Variants in CCL28 observed in about 807,000 individuals in gnomAD.
CCL28 encodes the protein C-C motif chemokine 28.
CCL28 carries 4 observed loss-of-function variants against 7.1 expected under a neutral mutation model. That is an observed-to-expected ratio of 0.56 (90% CI 0.28 to 1.29). The LOEUF is 1.29. Among genes scored for constraint, CCL28 ranks in the 50% most tolerant of loss-of-function variants. The probability of loss-of-function intolerance (pLI) is 0.11; values close to 1 mark genes in which losing one functional copy is unlikely to be tolerated. For missense variants in CCL28, 151 were observed against 163.4 expected, an observed-to-expected ratio of 0.92 and a Z score of 0.41; for synonymous variants, 55 against 57.8, an observed-to-expected ratio of 0.95 and a Z score of 0.22.
chr5:43,371,733 A>G (rs1739790186), downstream of CCL28, among the ~76,000 whole-genome samples: 1 of 152,240 alleles, frequency 6.6e-6, no homozygotes, highest in Non-Finnish European at 1.5e-5. Context: ...TTCCTTATCC[A>G]CAGACACTAT....
At chr5:43,360,780 T>G in the CCL28 span, among the ~76,000 whole-genome samples, 13 of 152,216 alleles carry the variant, frequency 8.5e-5, no homozygotes, top group African/African-American at 3.1e-4. Context: ...GGTTTTTTTC[T>G]TGTAAATTTG....
At position 43,388,517 on chromosome 5, in the gene CCL28, T is replaced by C. The variant is rs1740435145; in HGVS notation, c.65-41A>G. The C allele has an allele frequency of 1.9e-6, 3 of 1,592,142 alleles. No individual in the cohort carries two copies. In the South Asian group the frequency reaches 3.4e-5, roughly 18 times the overall value. Reference sequence around the variant, plus strand: ...AAAGAAAATGTTAAATTTTACGGTTTATAGAACACTGGCATGGTTCTCATT... The same window carrying C: ...AAAGAAAATGTTAAATTTTACGGTTCATAGAACACTGGCATGGTTCTCATT... On this transcript the variant is annotated intron_variant, in intron 1 of 2. Transcript: ENST00000361115.
At chr5:43,397,758 G>A (rs557176537) in intron 1 of CCL28, among the ~76,000 whole-genome samples, 2 of 152,040 alleles carry the variant, frequency 1.3e-5, no homozygotes, top group East Asian at 1.9e-4. Flanking sequence ...TTTATCTTTC[G>A]GTTAAGATTC....
intron 1 of CCL28, among the ~76,000 whole-genome samples, chr5:43,407,316 C>T (rs902651618): frequency 6.6e-6 from 1 of 152,166 alleles, no homozygotes; most frequent in African/African-American, 2.4e-5. Flanking sequence ...TGGAACAGAA[C>T]AGAGTCCTCG....
intron 2 of CCL28, among the ~76,000 whole-genome samples, chr5:43,383,650 T>G (rs1432594676): frequency 6.6e-6 from 1 of 152,158 alleles, no homozygotes; most frequent in East Asian, 1.9e-4. Context: ...AAAACGTGGC[T>G]GTAGCACTGT....
chr5:43,367,174 G>T, the CCL28 span, among the ~76,000 whole-genome samples: 1 of 152,212 alleles, frequency 6.6e-6, no homozygotes, highest in Non-Finnish European at 1.5e-5. Flanking sequence ...TGGGCTCTGT[G>T]GGGGTGGATC....
At chr5:43,387,357 C>A (rs1740382459) in intron 2 of CCL28, among the ~76,000 whole-genome samples, 1 of 152,194 alleles carries the variant, frequency 6.6e-6, no homozygotes, top group Non-Finnish European at 1.5e-5. Flanking sequence ...TTCCTCACAG[C>A]ATTGTTGTCA....
intron 1 of CCL28, among the ~76,000 whole-genome samples, chr5:43,395,369 G>A (rs1176230281): frequency 1.3e-5 from 2 of 152,020 alleles, no homozygotes. Flanking sequence ...GAAGGTTCCT[G>A]TGCAAAGTAA....
At chr5:43,392,017 C>T (rs1740592916) in intron 1 of CCL28, among the ~76,000 whole-genome samples, 1 of 152,214 alleles carries the variant, frequency 6.6e-6, no homozygotes, top group Non-Finnish European at 1.5e-5. Flanking sequence ...GGTTCTCAAA[C>T]TTTAATGTGT....
At chr5:43,404,911 A>G (rs901893516) in intron 1 of CCL28, among the ~76,000 whole-genome samples, 3 of 152,208 alleles carry the variant, frequency 2.0e-5, no homozygotes, top group Non-Finnish European at 4.4e-5. Context: ...AGAGACAAAG[A>G]AGGCCATTAC....
the CCL28 span, among the ~76,000 whole-genome samples, chr5:43,363,796 T>C: frequency 6.6e-6 from 1 of 152,196 alleles, no homozygotes; most frequent in African/African-American, 2.4e-5. Flanking sequence ...ATACCTCTTT[T>C]CCAGAATTTT....
At position 43,381,888 on chromosome 5, in the gene CCL28, T is replaced by G; in HGVS notation, c.356A>C (p.Glu119Ala). ...ATAAGGAGTTTTATGGCCGTATGTTTCGTGTTTCCCCTGATGTGCCCTGTT... is the reference window on the plus strand; with the variant it reads ...ATAAGGAGTTTTATGGCCGTATGTTGCGTGTTTCCCCTGATGTGCCCTGTT... The part of the protein sequence containing the change: ...NSNRAHQGKH[E>A]TYGHKTPY Residue 119 changes from glutamate (E) to alanine (A), a missense_variant, in exon 3 of 3, where the codon GAA becomes GCA. Transcript: ENST00000361115. 1 of 1,614,084 alleles carries G rather than the reference T, an allele frequency of 6.2e-7. No homozygotes were observed. Among genetic ancestry groups the G allele is most frequent in the Non-Finnish European group, 8.5e-7 (1 of 1,179,964 alleles).
At chr5:43,407,844 A>G (rs1741356522) in intron 1 of CCL28, among the ~76,000 whole-genome samples, 1 of 152,234 alleles carries the variant, frequency 6.6e-6, no homozygotes, top group South Asian at 2.1e-4. Context: ...ATGAACAGAC[A>G]TTTCTGAAAA....
At chr5:43,370,632 T>C in the CCL28 span, among the ~76,000 whole-genome samples, 1 of 152,162 alleles carries the variant, frequency 6.6e-6, no homozygotes, top group African/African-American at 2.4e-5. Context: ...ACTGGGCCAC[T>C]GGGCTAAGCA....
downstream of CCL28, among the ~76,000 whole-genome samples, chr5:43,373,598 A>C (rs1024908018): frequency 1.3e-5 from 2 of 152,032 alleles, no homozygotes; most frequent in Non-Finnish European, 2.9e-5. Context: ...CCACACCCGG[A>C]CTAACACTTG....
At chr5:43,411,340 C>T (rs1299213112) in intron 1 of CCL28, among the ~76,000 whole-genome samples, 4 of 152,136 alleles carry the variant, frequency 2.6e-5, no homozygotes, top group Non-Finnish European at 5.9e-5. Flanking sequence ...TTAGGGTTTC[C>T]TGAATATAGT....
At chr5:43,408,915 G>A (rs1453450579) in intron 1 of CCL28, among the ~76,000 whole-genome samples, 1 of 139,154 alleles carries the variant, frequency 7.2e-6, no homozygotes, top group Non-Finnish European at 1.5e-5. Flanking sequence ...TTTGAAATGA[G>A]AGTCTCACTC....
chr5:43,384,908 CT>C (rs750994278), intron 2 of CCL28, among the ~76,000 whole-genome samples: 380 of 143,232 alleles, frequency 2.7e-3, no homozygotes, highest in African/African-American at 2.9e-3. Context: ...ACATAAACAA[CT>C]TTTTTTTTTT....
In CCL28 at chr5:43,412,263, A is replaced by T; in HGVS notation, c.54T>A (p.His18Gln). Residue 18 changes from histidine (H) to glutamine (Q), a missense_variant, in exon 1 of 3, where the codon CAT becomes CAA. Coordinates refer to ENST00000361115, the MANE Select transcript of CCL28 (RefSeq NM_148672.3). ...IVALAVCAAL[H>Q]ASEAILPIAS... is the part of the protein sequence containing the mutation. ...AGTGCCCCCACTCACCTTCTGAGGC[A>T]TGTAGGGCCGCACAGACAGCCAAGG... 6.2e-7 allele frequency: 1 copy of T among 1,612,206 alleles called. No homozygotes were observed. The highest frequency in any genetic ancestry group is 8.5e-7 in the Non-Finnish European group (1 of 1,179,004).
Sources: gnomAD v4.1 joint callset for allele counts (sites outside exome capture counted in the v4.1 genomes callset) on GRCh38, gnomAD v4.1.1 for gene constraint, MANE v1.5 for transcripts, NCBI Gene and HGNC (gene_info 2026-07-23, HGNC 2026-07-21) for gene names.